The following MTMR3 variants were observed in gnomAD, a reference collection of about 807,000 sequenced individuals.
The protein encoded by MTMR3 is myotubularin related protein 3.
Under a neutral mutation model 132.4 loss-of-function variants are expected in MTMR3, and 32 were observed. The ratio of observed to expected loss-of-function variants is 0.24; its 90% CI spans 0.18 to 0.32. The LOEUF (loss-of-function observed/expected upper bound fraction) is 0.32, where lower values mean the gene tolerates loss of function less well. MTMR3 is among the 10% of genes least tolerant of loss of function. The probability of loss-of-function intolerance (pLI) is 1.00; values close to 1 mark genes in which losing one functional copy is unlikely to be tolerated. For synonymous variants in MTMR3, 556 were observed against 550.3 expected (o/e 1.01, Z -0.14); for missense variants, 1,216 against 1,489.6 (o/e 0.82, Z 3.02).
At position 30,017,994 on chromosome 22, in the gene MTMR3, C is replaced by T. The variant is rs1158881907; in HGVS notation, c.1742C>T (p.Ser581Phe). The change falls in exon 16 of 20, where the codon TCC becomes TTC. Residue 581 changes from serine to phenylalanine, a missense_variant. Ser to Phe is a radical substitution (Grantham distance 155). This residue lies in a region of MTMR3 where 852 missense variants were observed against 852.0 expected (regional missense o/e 1.00). Coordinates refer to ENST00000401950, the MANE Select transcript of MTMR3 (RefSeq NM_021090.4). ...LWSAVYLPCPSPTTPVDDSCA... is the reference protein window; with the variant it reads ...LWSAVYLPCPFPTTPVDDSCA... ...AGTGCAGTGTACCTGCCCTGCCCATCCCCAACCACCCCTGTGGACGACAGC... is the reference window on the plus strand; with the variant it reads ...AGTGCAGTGTACCTGCCCTGCCCATTCCCAACCACCCCTGTGGACGACAGC... The T allele has an allele frequency of 8.7e-6, 14 of 1,613,934 alleles. No individual in the cohort carries two copies. Among genetic ancestry groups the T allele is most frequent in the African/African-American group, 2.7e-5 (2 of 75,018 alleles).
chr22:29,968,724 G>A (rs1459657409), intron 2 of MTMR3, among the ~76,000 whole-genome samples: 1 of 152,204 alleles, frequency 6.6e-6, no homozygotes, highest in African/African-American at 2.4e-5. Context: ...TCTGTTCACA[G>A]TGGTGTCCCC....
intron 1 of MTMR3, among the ~76,000 whole-genome samples, chr22:29,884,550 A>AC (rs2064627828): frequency 9.2e-6 from 1 of 108,504 alleles, no homozygotes; most frequent in African/African-American, 3.6e-5. Context: ...ACAGAATGAC[A>AC]CTTTTTTTTT....
intron 1 of MTMR3, among the ~76,000 whole-genome samples, chr22:29,936,440 A>G (rs948884788): frequency 6.6e-6 from 1 of 152,194 alleles, no homozygotes; most frequent in Admixed American, 6.5e-5. Context: ...GGGCAAGTAG[A>G]CTTCTTCCTG....
chr22:29,889,258 T>C (rs1369337163), intron 1 of MTMR3, among the ~76,000 whole-genome samples: 1 of 151,646 alleles, frequency 6.6e-6, no homozygotes, highest in Non-Finnish European at 1.5e-5. Context: ...AAAATGAAAT[T>C]ATTTCTGGTT....
At chr22:30,003,181 A>G in intron 9 of MTMR3, 188 bp downstream of exon 9, 1 of 447,406 alleles carries the variant, frequency 2.2e-6, no homozygotes, top group Non-Finnish European at 4.0e-6. Context: ...CATTCAGAAC[A>G]CTAGCTGGTT....
At position 29,883,267 on chromosome 22, in the gene MTMR3, G is replaced by A. The variant is rs1407446782; in HGVS notation, c.-230G>A. On this transcript the variant is annotated 5_prime_UTR_variant, in exon 1 of 20. Coordinates refer to ENST00000401950, the MANE Select transcript of MTMR3 (RefSeq NM_021090.4). ...CCGGACGAGACGTCCCAGCGGCTCA[G>A]GCGCTGCCCAGCGCCGGCCCTGGCA... The A allele has an allele frequency of 1.3e-5, 2 of 153,808 alleles. No homozygotes were observed. The highest frequency in any genetic ancestry group is 2.9e-5 in the Non-Finnish European group (2 of 69,046). 9.5% of individuals were successfully genotyped at this position (153,808 alleles called of 1,614,324 possible).
At chr22:29,974,620 C>T (rs1181754049) in intron 3 of MTMR3, among the ~76,000 whole-genome samples, 2 of 152,184 alleles carry the variant, frequency 1.3e-5, no homozygotes, top group African/African-American at 4.8e-5. Context: ...GATTAGCACC[C>T]TGGTGAGTGT....
rs751117869 is a variant in MTMR3 at position 29,998,789 on chromosome 22, C to T, written c.489C>T (p.Asn163=). The T allele has an allele frequency of 3.9e-5, 63 of 1,612,728 alleles. No individual in the cohort carries two copies. Among genetic ancestry groups the T allele is most frequent in the Non-Finnish European group, 4.9e-5 (58 of 1,179,358 alleles). Residue 163 remains asparagine (N), a synonymous_variant, in exon 8 of 20, where the codon AAC becomes AAT. Transcript: ENST00000401950. ...AGCATGTAACTTCAAGGTTTAAAAA[C>T]GAGGTGGAGAGGATGGGTTTTGATA... ...PGEHVTSRFK[N]EVERMGFDMN... is the part of the protein sequence containing the mutation.
chr22:29,904,754 A>C (rs752707912), intron 1 of MTMR3, among the ~76,000 whole-genome samples: 1 of 152,202 alleles, frequency 6.6e-6, no homozygotes, highest in African/African-American at 2.4e-5. Context: ...AGATGATAGA[A>C]TAAGTAGCAA....
chr22:29,913,775 G>A (rs1033547213), intron 1 of MTMR3, among the ~76,000 whole-genome samples: 3 of 151,202 alleles, frequency 2.0e-5, no homozygotes, highest in East Asian at 1.9e-4. Context: ...TATTTGAGAC[G>A]GAGTCTCGCT....
At chr22:29,986,511 T>TG (rs1392034606) in intron 5 of MTMR3, 3 of 904,204 alleles carry the variant, frequency 3.3e-6, no homozygotes, top group African/African-American at 3.6e-5. Context: ...TGTTTTTTTT[T>TG]TTCCTTCTTA....
At chr22:29,994,413 ACCT>A (rs2067021755) in intron 7 of MTMR3, 1 of 132,208 alleles carries the variant, frequency 7.6e-6, no homozygotes, top group African/African-American at 2.8e-5. Context: ...AAAAAAAAAC[ACCT>A]CGAGGACATC....
At chr22:29,990,573 CTTTATT>C (rs991061330) in intron 6 of MTMR3, 2 of 152,050 alleles carry the variant, frequency 1.3e-5, no homozygotes, top group African/African-American at 4.8e-5. Flanking sequence ...TTAAACAAAT[CTTTATT>C]TTTATTTATT....
At chr22:29,906,170 A>G (rs2065089966) in intron 1 of MTMR3, among the ~76,000 whole-genome samples, 2 of 152,120 alleles carry the variant, frequency 1.3e-5, no homozygotes, top group South Asian at 2.1e-4. Context: ...CAAAGTTCAT[A>G]GGAAAAACTT....
At position 30,020,183 on chromosome 22, in the gene MTMR3, G is replaced by C. The variant is rs199966820; in HGVS notation, c.2524G>C (p.Val842Leu). The stretch of plus-strand genomic sequence containing the variant: ...CCCTTTTGAGACCAGAGGACCAAAC[G>C]TGGACAGTTCTACAGACATGTTAGT... ...QVPFETRGPN[V>L]DSSTDMLVED... The change falls in exon 17 of 20, where the codon GTG becomes CTG. Residue 842 changes from valine (V) to leucine (L), a missense_variant. Val to Leu is a conservative substitution (Grantham distance 32, BLOSUM62 1). Transcript: ENST00000401950. 39 of 1,614,088 alleles carry C rather than the reference G, an allele frequency of 2.4e-5. No individual in the cohort carries two copies. The South Asian group carries it at 3.7e-4, about 15-fold the overall frequency.
intron 11 of MTMR3, chr22:30,008,781 A>G: frequency 2.4e-6 from 1 of 423,924 alleles, no homozygotes; most frequent in Non-Finnish European, 4.2e-6. Flanking sequence ...ATTTTATGTC[A>G]GTATCTTCTT....
At chr22:29,988,610 T>G (rs146320165) in intron 6 of MTMR3, 48 bp downstream of exon 6, 17,791 of 1,394,326 alleles carry the variant, frequency 0.013, 177 homozygotes, top group Non-Finnish European at 0.014. Flanking sequence ...GGAAAATATT[T>G]TTTAAAGAAT....
intron 1 of MTMR3, among the ~76,000 whole-genome samples, chr22:29,928,575 C>T (rs979928385): frequency 6.6e-6 from 1 of 152,006 alleles, no homozygotes; most frequent in Non-Finnish European, 1.5e-5. Flanking sequence ...TTTAAATATG[C>T]TGTACATTTA....
Position 30,020,156 on chromosome 22 carries a change from G to T in MTMR3, c.2497G>T (p.Val833Phe). The T allele has an allele frequency of 1.2e-6, 2 of 1,614,216 alleles. No individual in the cohort carries two copies. The highest frequency in any genetic ancestry group is 8.5e-7 in the Non-Finnish European group (1 of 1,180,038). The change falls in exon 17 of 20, where the codon GTC becomes TTC. Residue 833 changes from valine (V) to phenylalanine (F), a missense_variant. Coordinates refer to ENST00000401950, the MANE Select transcript of MTMR3 (RefSeq NM_021090.4). The part of the protein sequence containing the change: ...SQSCSLLPSQ[V>F]PFETRGPNVD... ...GTCATGTTCTCTGCTACCTTCCCAAGTCCCTTTTGAGACCAGAGGACCAAA... is the reference window on the plus strand; with the variant it reads ...GTCATGTTCTCTGCTACCTTCCCAATTCCCTTTTGAGACCAGAGGACCAAA...
Sources: allele counts gnomAD v4.1 joint callset (sites outside exome capture counted in the v4.1 genomes callset), GRCh38; gene constraint gnomAD v4.1.1; regional missense constraint gnomAD v4.1.1; transcripts MANE v1.5; gene names NCBI Gene and HGNC (gene_info 2026-07-23, HGNC 2026-07-21).